KALRN: variants seen among roughly 807,000 people sequenced by gnomAD.
KALRN encodes the protein kalirin RhoGEF kinase, also known as kalirin.
KALRN carries 70 observed loss-of-function variants against 353.7 expected under a neutral mutation model. That is an observed-to-expected ratio of 0.20 (90% CI 0.16 to 0.24). The LOEUF (loss-of-function observed/expected upper bound fraction) is 0.24, where lower values mean the gene tolerates loss of function less well. Among genes scored for constraint, KALRN ranks in the 10% least tolerant of loss-of-function variants. The probability of loss-of-function intolerance (pLI) is 1.00; values close to 1 mark genes in which losing one functional copy is unlikely to be tolerated. For missense variants in KALRN, 2,791 were observed against 3,756.7 expected, an observed-to-expected ratio of 0.74 and a Z score of 6.72; for synonymous variants, 1,391 against 1,434.8, an observed-to-expected ratio of 0.97 and a Z score of 0.69.
At chr3:124,359,947 G>T in intron 10 of KALRN, among the ~76,000 whole-genome samples, 1 of 152,254 alleles carries the variant, frequency 6.6e-6, no homozygotes, top group East Asian at 1.9e-4. Flanking sequence ...CAGATCAGCT[G>T]CAGGTACTGA....
chr3:124,647,887 C>T (rs1232021879), intron 37 of KALRN, among the ~76,000 whole-genome samples: 1 of 152,184 alleles, frequency 6.6e-6, no homozygotes, highest in South Asian at 2.1e-4. Context: ...ATGGGGATGA[C>T]CTTCCTCCAC....
intron 33 of KALRN, among the ~76,000 whole-genome samples, chr3:124,520,276 C>T (rs909114411): frequency 1.3e-5 from 2 of 151,904 alleles, no homozygotes; most frequent in South Asian, 2.1e-4. Context: ...GTCCTCAGCA[C>T]GTTCAAGTGA....
At chr3:124,163,729 A>G (rs1168958572) in intron 1 of KALRN, 2 of 985,332 alleles carry the variant, frequency 2.0e-6, no homozygotes, top group African/African-American at 3.5e-5. Context: ...CCTTGCTCAT[A>G]GTTCTCACTA....
In KALRN at chr3:124,287,807, ATATATATATATATATATATG is replaced by A. The variant is rs1299582823; in HGVS notation, c.970-10977_970-10958del. Among the ~76,000 whole-genome samples the A allele has an allele frequency of 2.4e-3, 49 of 20,728 alleles. 2 individuals carry two copies. The South Asian group carries it at 0.13, about 55-fold the overall frequency. 13.6% of individuals were successfully genotyped at this position (20,728 alleles called of 152,430 possible). ...TATATATATATATATATATATATATATATATATATATATATATATGTATATAATTTTTATATATTTAATTT... is the reference window on the plus strand; with the variant it reads ...TATATATATATATATATATATATATATATATAATTTTTATATATTTAATTT... On this transcript the variant is annotated intron_variant, in intron 5 of 59. Transcript: ENST00000682506.
chr3:124,235,478 G>A (rs1235019225), intron 3 of KALRN, among the ~76,000 whole-genome samples: 1 of 133,668 alleles, frequency 7.5e-6, no homozygotes, highest in Non-Finnish European at 1.6e-5. Flanking sequence ...CAAGGTGGGT[G>A]TGGGAGACAC....
intron 3 of KALRN, among the ~76,000 whole-genome samples, chr3:124,243,305 G>A (rs2148669544): frequency 6.6e-6 from 1 of 152,308 alleles, no homozygotes; most frequent in African/African-American, 2.4e-5. Flanking sequence ...CTGTGAACAG[G>A]GACAGGTTGT....
intron 1 of KALRN, among the ~76,000 whole-genome samples, chr3:124,120,198 G>A (rs530078676): frequency 1.6e-4 from 25 of 152,312 alleles, no homozygotes; most frequent in Admixed American, 5.2e-4. Flanking sequence ...GGCTGTAGCC[G>A]TTCCCCCGAC....
At chr3:124,491,601 A>G in intron 31 of KALRN, 177 bp downstream of exon 31, 1 of 455,548 alleles carries the variant, frequency 2.2e-6, no homozygotes, top group Non-Finnish European at 3.9e-6. Flanking sequence ...TAGACCCAGA[A>G]TCTCAAAGAC....
chr3:124,664,371 G>GTGTGTGTGCA (rs780486751), intron 45 of KALRN, among the ~76,000 whole-genome samples: 1 of 77,044 alleles, frequency 1.3e-5, no homozygotes, highest in African/African-American at 1.1e-4. Context: ...GTGTGTGTGT[G>GTGTGTGTGCA]CGCGCGCGCG....
At chr3:124,529,042 A>T (rs191519081) in intron 33 of KALRN, among the ~76,000 whole-genome samples, 2 of 152,288 alleles carry the variant, frequency 1.3e-5, no homozygotes, top group East Asian at 3.9e-4. Flanking sequence ...ATGTACGTGT[A>T]GATCATTAGC....
intron 10 of KALRN, among the ~76,000 whole-genome samples, chr3:124,367,484 G>C (rs1438328165): frequency 2.2e-4 from 22 of 99,242 alleles, no homozygotes; most frequent in Non-Finnish European, 4.1e-4. Flanking sequence ...CCTCCCTCCC[G>C]GACGGGGCAG....
At chr3:124,710,172 T>C (rs1056719483) in intron 57 of KALRN, among the ~76,000 whole-genome samples, 2 of 152,262 alleles carry the variant, frequency 1.3e-5, no homozygotes. Flanking sequence ...TCAGAAATGA[T>C]TGAAGATTGC....
intron 34 of KALRN, among the ~76,000 whole-genome samples, chr3:124,591,116 C>A (rs1448599239): frequency 6.6e-6 from 1 of 152,120 alleles, no homozygotes; most frequent in Non-Finnish European, 1.5e-5. Flanking sequence ...TTAAATGTAC[C>A]TGCTTTCAAA....
At chr3:124,367,169 C>T (rs1454203573) in intron 10 of KALRN, among the ~76,000 whole-genome samples, 2 of 55,812 alleles carry the variant, frequency 3.6e-5, no homozygotes, top group Non-Finnish European at 6.8e-5. Flanking sequence ...CCGGACGGGG[C>T]GGCTGGCCGG....
chr3:124,482,987 C>CT, intron 28 of KALRN, 87 bp downstream of exon 28: 1 of 893,718 alleles, frequency 1.1e-6, no homozygotes, highest in East Asian at 2.4e-5. Context: ...GATAGGAATG[C>CT]TTCCACCTGA....
At chr3:124,597,659 G>A (rs2076395787) in intron 34 of KALRN, among the ~76,000 whole-genome samples, 1 of 152,196 alleles carries the variant, frequency 6.6e-6, no homozygotes, top group African/African-American at 2.4e-5. Flanking sequence ...TGGCTACTGA[G>A]GACCTGAAAT....
chr3:124,124,290 T>A (rs2064374057), intron 1 of KALRN, among the ~76,000 whole-genome samples: 1 of 152,174 alleles, frequency 6.6e-6, no homozygotes, highest in Non-Finnish European at 1.5e-5. Flanking sequence ...TAACCACAGA[T>A]GTGGAAGACA....
chr3:124,584,789 T>A (rs1374484132), intron 34 of KALRN: 1 of 1,582,758 alleles, frequency 6.3e-7, no homozygotes, highest in South Asian at 1.2e-5. Context: ...TGGCGCCCCG[T>A]GCCATGCGGG....
chr3:124,329,714 T>G, intron 7 of KALRN, 147 bp from the exon 8 acceptor site: 2 of 809,448 alleles, frequency 2.5e-6, no homozygotes, highest in East Asian at 2.8e-5. Flanking sequence ...TTCATAGAAT[T>G]AAAAAAACTC....
Sources: allele counts gnomAD v4.1 joint callset (sites outside exome capture counted in the v4.1 genomes callset), GRCh38; gene constraint gnomAD v4.1.1; transcripts MANE v1.5; gene names NCBI Gene and HGNC (gene_info 2026-07-23, HGNC 2026-07-21).